YTHDC2: variants seen among roughly 807,000 people sequenced by gnomAD.
YTHDC2 encodes YTH N6-methyladenosine RNA binding protein C2.
A neutral mutation model predicts 174.9 loss-of-function variants in YTHDC2; 45 were observed. The observed-to-expected ratio is 0.26, with a 90% CI of 0.20 to 0.33. The LOEUF (loss-of-function observed/expected upper bound fraction) is 0.33. Among genes scored for constraint, YTHDC2 ranks in the 10% least tolerant of loss-of-function variants. The pLI is 1.00. For missense variants in YTHDC2, 1,650 were observed against 1,723.7 expected (o/e 0.96, Z 0.76); for synonymous variants, 657 against 574.5 (o/e 1.14, Z -2.05).
chr5:113,577,454 C>A (rs982227209), intron 23 of YTHDC2, among the ~76,000 whole-genome samples: 1 of 152,134 alleles, frequency 6.6e-6, no homozygotes, highest in Non-Finnish European at 1.5e-5. Context: ...ACTGCAATCT[C>A]TGTCTCCCAG....
chr5:113,523,565 C>G (rs903782708), intron 2 of YTHDC2, among the ~76,000 whole-genome samples: 4 of 152,104 alleles, frequency 2.6e-5, no homozygotes, highest in Non-Finnish European at 5.9e-5. Context: ...AGTAAAACTT[C>G]TAGATCAGGT....
At position 113,515,274 on chromosome 5, in the gene YTHDC2, A is replaced by G. The variant is rs1773331941; in HGVS notation, c.190A>G (p.Met64Val). ...ERFRYGDQRE[M>V]EFPSSLTSTE... ...TACTTTGTTTTTTTTCCGTGTAGAA[A>G]TGGAATTTCCTTCTTCTTTGACCAG... Residue 64 changes from methionine to valine, a missense_variant and splice_region_variant, in exon 2 of 30, where the codon ATG (methionine) becomes GTG (valine). By Grantham distance (21) the Met-to-Val change is conservative. Coordinates refer to ENST00000161863, the MANE Select transcript of YTHDC2 (RefSeq NM_022828.5). The G allele has an allele frequency of 6.2e-7, 1 of 1,603,140 alleles. No homozygotes were observed. The highest frequency in any genetic ancestry group is 8.5e-7 in the Non-Finnish European group (1 of 1,177,026).
At chr5:113,543,277 A>G (rs1775612552) in intron 10 of YTHDC2, among the ~76,000 whole-genome samples, 1 of 152,116 alleles carries the variant, frequency 6.6e-6, no homozygotes, top group Non-Finnish European at 1.5e-5. Flanking sequence ...CCTTCCTCTC[A>G]ACCTGCACTT....
At chr5:113,549,800 AT>A (rs1776126359) in intron 12 of YTHDC2, among the ~76,000 whole-genome samples, 1 of 151,948 alleles carries the variant, frequency 6.6e-6, no homozygotes. Flanking sequence ...TGTTCTATTG[AT>A]TTATTGTCTA....
chr5:113,526,744 G>A lies in YTHDC2; in HGVS notation c.634G>A (p.Val212Ile), dbSNP rs144411049. 1 of 1,539,330 alleles carries A rather than the reference G, an allele frequency of 6.5e-7. No homozygotes were observed. Among genetic ancestry groups the A allele is most frequent in the Non-Finnish European group, 8.8e-7 (1 of 1,140,860 alleles). Residue 212 changes from valine (V) to isoleucine (I), a missense_variant, in exon 4 of 30, where the codon GTT becomes ATT. By Grantham distance (29) the Val-to-Ile change is conservative. This residue lies in a region of YTHDC2 where 304 missense variants were observed against 341.4 expected (regional missense o/e 0.89). Coordinates refer to ENST00000161863, the MANE Select transcript of YTHDC2 (RefSeq NM_022828.5). ...TAAAATAATTAAGGAAAATAAAGTA[G>A]TTTTGATTGTAGGAGAAACTGGGTC... ...IVKIIKENKV[V>I]LIVGETGSGK...
chr5:113,562,691 C>G (rs2914150), intron 18 of YTHDC2, among the ~76,000 whole-genome samples: 31,876 of 152,032 alleles, frequency 0.21, 4,298 homozygotes, highest in South Asian at 0.35. Context: ...TAGATTGTTT[C>G]CCCTTATTCC....
At position 113,593,630 on chromosome 5, in the gene YTHDC2, A is replaced by G; in HGVS notation, c.*156A>G. ...ACTACCATCTTCATATACAGGAGAAAGGAAGCATTTAAATTTTTATAGTGA... is the reference window on the plus strand; with the variant it reads ...ACTACCATCTTCATATACAGGAGAAGGGAAGCATTTAAATTTTTATAGTGA... On this transcript the variant is annotated 3_prime_UTR_variant, in exon 30 of 30. Coordinates refer to ENST00000161863, the MANE Select transcript of YTHDC2 (RefSeq NM_022828.5). The G allele has an allele frequency of 3.3e-6, 1 of 299,382 alleles. No homozygotes were observed. Among genetic ancestry groups the G allele is most frequent in the Non-Finnish European group, 6.2e-6 (1 of 161,350 alleles). 18.5% of individuals were successfully genotyped at this position (299,382 alleles called of 1,614,324 possible).
intron 8 of YTHDC2, among the ~76,000 whole-genome samples, chr5:113,540,366 T>A (rs1218715493): frequency 6.6e-6 from 1 of 152,196 alleles, no homozygotes; most frequent in African/African-American, 2.4e-5. Context: ...AACTTATTAG[T>A]AGGACTTGGA....
In YTHDC2 at chr5:113,535,512, C is replaced by T. The variant is rs949522805; in HGVS notation, c.946-130C>T. ...TGAAATTCCTGTAATACAAAATTTT[C>T]ATGAATATTGATTGGCCTTGTCCAC... On this transcript the variant is annotated intron_variant, in intron 6 of 29. Transcript: ENST00000161863. 34 of 819,174 alleles carry T rather than the reference C, an allele frequency of 4.2e-5. No individual in the cohort carries two copies. In the Admixed American group the frequency reaches 1.2e-3, roughly 28 times the overall value. The allele number at this position is 819,174 out of a possible 1,614,324, so 50.7% of individuals were successfully genotyped here. A position where few individuals can be genotyped will look rare whatever the true frequency, so the allele number is the denominator to read the frequency against.
intron 17 of YTHDC2, among the ~76,000 whole-genome samples, chr5:113,560,271 C>T (rs1239267543): frequency 2.6e-5 from 4 of 152,182 alleles, no homozygotes; most frequent in Non-Finnish European, 4.4e-5. Flanking sequence ...TGATGACATT[C>T]CCTGGACCCT....
chr5:113,525,833 T>A (rs894066658), intron 3 of YTHDC2, among the ~76,000 whole-genome samples: 2 of 152,174 alleles, frequency 1.3e-5, no homozygotes, highest in Admixed American at 6.5e-5. Flanking sequence ...ATAGTTATTA[T>A]TGTCTATTGG....
intron 23 of YTHDC2, among the ~76,000 whole-genome samples, chr5:113,571,242 GT>G (rs1379768032): frequency 1.3e-5 from 2 of 152,092 alleles, no homozygotes; most frequent in Non-Finnish European, 1.5e-5. Flanking sequence ...TAATCATTTG[GT>G]TTTTGTCTTT....
chr5:113,535,286 G>C (rs1282775867), intron 6 of YTHDC2, among the ~76,000 whole-genome samples: 1 of 151,998 alleles, frequency 6.6e-6, no homozygotes, highest in Non-Finnish European at 1.5e-5. Flanking sequence ...AGGTAATATA[G>C]GTAGTCTAGA....
At chr5:113,540,504 C>G (rs967128942) in intron 8 of YTHDC2, among the ~76,000 whole-genome samples, 1 of 152,098 alleles carries the variant, frequency 6.6e-6, no homozygotes, top group African/African-American at 2.4e-5. Context: ...GGGGAGGCCT[C>G]AGGAAACTTA....
At chr5:113,575,323 G>A (rs1013117018) in intron 23 of YTHDC2, among the ~76,000 whole-genome samples, 1 of 152,112 alleles carries the variant, frequency 6.6e-6, no homozygotes, top group African/African-American at 2.4e-5. Context: ...GACATTGAAG[G>A]TATAACAGTG....
intron 21 of YTHDC2, among the ~76,000 whole-genome samples, chr5:113,566,874 T>G (rs1777365532): frequency 8.1e-6 from 1 of 123,776 alleles, no homozygotes; most frequent in South Asian, 2.6e-4. Flanking sequence ...TAATCTAACC[T>G]GAGCAGATCT....
In YTHDC2 at chr5:113,545,728, A is replaced by ATTTT. The variant is rs1159754942; in HGVS notation, c.1496-2786_1496-2783dup. Among the ~76,000 whole-genome samples, 7 of 49,482 alleles carry ATTTT rather than the reference A, an allele frequency of 1.4e-4. 1 individual carries two copies. The highest frequency in any genetic ancestry group is 8.2e-4 in the African/African-American group (4 of 4,860). The allele number at this position is 49,482 out of a possible 152,430, so 32.5% of individuals were successfully genotyped here. On this transcript the variant is annotated intron_variant, in intron 10 of 29. Coordinates refer to ENST00000161863, the MANE Select transcript of YTHDC2 (RefSeq NM_022828.5). ...ATTTTTTGAAAAATAATTGATCTCC[A>ATTTT]TTTTTTTTTTTTTTTTTTTTTTTTT...
At chr5:113,553,549 T>C in intron 13 of YTHDC2, 41 bp from the exon 14 acceptor site, 1 of 1,592,972 alleles carries the variant, frequency 6.3e-7, no homozygotes, top group South Asian at 1.1e-5. Flanking sequence ...TGCCTCTGAT[T>C]CACAATGAGA....
intron 25 of YTHDC2, chr5:113,582,330 T>G (rs1778450818): frequency 6.6e-6 from 1 of 152,204 alleles, no homozygotes; most frequent in Non-Finnish European, 1.5e-5. Flanking sequence ...TTTAGCCAAA[T>G]TCTTCTTTTC....
Sources: allele counts gnomAD v4.1 joint callset (sites outside exome capture counted in the v4.1 genomes callset), GRCh38; gene constraint gnomAD v4.1.1; regional missense constraint gnomAD v4.1.1; transcripts MANE v1.5; gene names NCBI Gene and HGNC (gene_info 2026-07-23, HGNC 2026-07-21).